WDR31: variants seen among roughly 807,000 people sequenced by gnomAD.
WDR31 encodes the protein WD repeat-containing protein 31.
WDR31 carries 30 observed loss-of-function variants against 47.3 expected under a neutral mutation model. The observed-to-expected ratio is 0.63, with a 90% CI of 0.47 to 0.86. WDR31 has a LOEUF of 0.86. Among genes scored for constraint, WDR31 ranks in the 40% least tolerant of loss-of-function variants. The probability of loss-of-function intolerance (pLI) is 0.00; values close to 1 mark genes in which losing one functional copy is unlikely to be tolerated. For synonymous variants in WDR31, 137 were observed against 159.4 expected, an observed-to-expected ratio of 0.86 and a Z score of 1.06; for missense variants, 406 against 442.9, an observed-to-expected ratio of 0.92 and a Z score of 0.75.
chr9:113,318,291 G>C (rs565634414), intron 10 of WDR31, among the ~76,000 whole-genome samples, 184 bp downstream of exon 10: 7 of 152,360 alleles, frequency 4.6e-5, no homozygotes, highest in Non-Finnish European at 7.3e-5. Flanking sequence ...TCAGGAATGA[G>C]TCTATACAAC....
chr9:113,320,576 A>C (rs1357049744), intron 8 of WDR31, 78 bp from the exon 9 acceptor site: 26 of 1,544,150 alleles, frequency 1.7e-5, no homozygotes, highest in Non-Finnish European at 2.1e-5. Flanking sequence ...CTACCAAAAA[A>C]GTCTTGGCTC....
At chr9:113,327,326 TTCTGCTTATTAA>T (rs1833495050) in intron 5 of WDR31, among the ~76,000 whole-genome samples, 1 of 152,198 alleles carries the variant, frequency 6.6e-6, no homozygotes, top group East Asian at 1.9e-4. Flanking sequence ...TTTGGATCCT[TTCTGCTTATTAA>T]TCTTTTCATC....
rs1022207459 is a variant in WDR31, at chr9:113,316,447, G to A, written c.*302C>T. The A allele has an allele frequency of 2.5e-5, 6 of 243,120 alleles. No individual in the cohort carries two copies. The Admixed American group carries it at 3.1e-4, about 12-fold the overall frequency. 15.1% of individuals were successfully genotyped at this position (243,120 alleles called of 1,614,324 possible). A position where few individuals can be genotyped will look rare whatever the true frequency, so the allele number is the denominator to read the frequency against. On this transcript the variant is annotated 3_prime_UTR_variant, in exon 11 of 11. Transcript: ENST00000374193. ...GAGGCCTGCCACTCTTACATTTACAGGTCATCATTCTGAGCAATACACTTT... is the reference window on the plus strand; with the variant it reads ...GAGGCCTGCCACTCTTACATTTACAAGTCATCATTCTGAGCAATACACTTT...
rs1428972430 is a variant in WDR31 at position 113,316,798 on chromosome 9, CTGAG to C, written c.1051_1054del (p.Leu351GlufsTer43). 8.1e-6 allele frequency: 13 copies of C among 1,614,072 alleles called. No individual in the cohort carries two copies. Among genetic ancestry groups the C allele is most frequent in the Non-Finnish European group, 1.1e-5 (13 of 1,180,056 alleles). On this transcript the variant is annotated frameshift_variant, in exon 11 of 11. Transcript: ENST00000374193. LOFTEE classifies it high-confidence loss of function. ...TTCCAGCCCTTGGCTGTGGTCCATT[CTGAG>C]TAAGTGAATTCCTCTGTTAAAACTT...
chr9:113,321,031 T>C (rs928579217), intron 8 of WDR31, among the ~76,000 whole-genome samples: 1 of 152,210 alleles, frequency 6.6e-6, no homozygotes, highest in Admixed American at 6.5e-5. Context: ...TCTTCTGAGA[T>C]CCAAAGTTTC....
At chr9:113,334,181 T>C (rs1833665698) in intron 2 of WDR31, among the ~76,000 whole-genome samples, 1 of 152,020 alleles carries the variant, frequency 6.6e-6, no homozygotes, top group African/African-American at 2.4e-5. Context: ...TTTTTCTGTG[T>C]TTTTTGTAGA....
chr9:113,319,932 T>C (rs1833288233), intron 9 of WDR31, among the ~76,000 whole-genome samples: 1 of 152,172 alleles, frequency 6.6e-6, no homozygotes, highest in Non-Finnish European at 1.5e-5. Context: ...GAGCCCTAAG[T>C]TGATGAATGT....
chr9:113,316,874 G>A lies in WDR31; in HGVS notation c.979C>T (p.Pro327Ser). ...TCACCAACAGCCAGAGAAGTCAAGG[G>A]TCCTGATCCATCCAGAGACAAGGTG... ...LFTLSLDGSGPLTSLAVGDAI... is the reference protein window; with the variant it reads ...LFTLSLDGSGSLTSLAVGDAI... The change falls in exon 11 of 11, where the codon CCC (proline) becomes TCC (serine). Residue 327 changes from proline to serine, a missense_variant. Physicochemically the swap from Pro to Ser is moderately conservative, Grantham distance 74. Coordinates refer to ENST00000374193, the MANE Select transcript of WDR31 (RefSeq NM_001012361.4). 6.2e-7 allele frequency: 1 copy of A among 1,614,172 alleles called. No individual in the cohort carries two copies. Among genetic ancestry groups the A allele is most frequent in the Non-Finnish European group, 8.5e-7 (1 of 1,180,026 alleles).
At chr9:113,322,274 G>T (rs1310339734) in intron 7 of WDR31, among the ~76,000 whole-genome samples, 1 of 151,948 alleles carries the variant, frequency 6.6e-6, no homozygotes, top group Admixed American at 6.6e-5. Context: ...TAACTTCCTT[G>T]AGATAACATA....
In WDR31 at chr9:113,328,834, C is replaced by T. The variant is rs760091525; in HGVS notation, c.324+47G>A. The T allele has an allele frequency of 1.1e-5, 16 of 1,453,460 alleles. No individual in the cohort carries two copies. The African/African-American group carries it at 2.0e-4, about 18-fold the overall frequency. The allele number at this position is 1,453,460 out of a possible 1,614,324, so 90.0% of individuals were successfully genotyped here. On this transcript the variant is annotated intron_variant, in intron 5 of 10. Coordinates refer to ENST00000374193, the MANE Select transcript of WDR31 (RefSeq NM_001012361.4). ...TTAATATCTAGAACTATTAGCTATC[C>T]TTTATTCAGTTCCAGATTGCCTTCA...
chr9:113,318,536 C>T lies in WDR31; in HGVS notation c.882G>A (p.Met294Ile). ...CVFLPRALAL[M>I]PLIATSSHDC... ...CATGTGATGAGGTAGCAATTAAAGG[C>T]ATCAAGGCCAATGCTCTTGGTAGAA... Residue 294 changes from methionine (M) to isoleucine (I), a missense_variant, in exon 10 of 11, where the codon ATG becomes ATA. Coordinates refer to ENST00000374193, the MANE Select transcript of WDR31 (RefSeq NM_001012361.4). The T allele has an allele frequency of 1.2e-5, 20 of 1,614,228 alleles. No homozygotes were observed. Among genetic ancestry groups the T allele is most frequent in the Non-Finnish European group, 1.7e-5 (20 of 1,180,040 alleles).
intron 1 of WDR31, among the ~76,000 whole-genome samples, chr9:113,338,351 A>G (rs368001270): frequency 1.1e-3 from 173 of 152,368 alleles, no homozygotes; most frequent in African/African-American, 3.9e-3. Flanking sequence ...GCAATTAAAA[A>G]GTCTCAAGAA....
In WDR31 at chr9:113,320,466, T is replaced by C. The variant is rs1564297575; in HGVS notation, c.671A>G (p.His224Arg). Residue 224 changes from histidine (H) to arginine (R), a missense_variant, in exon 9 of 11, where the codon CAT becomes CGT. His to Arg is a conservative substitution (Grantham distance 29). Transcript: ENST00000374193. ...AATGTGCTGCTTTGCAGGAAACATA[T>C]GAGCTACCTGCAGCCCCCGACTGTC... ...LWDSRGLQVA[H>R]MFPAKQHIQT... is the part of the protein sequence containing the mutation. The C allele has an allele frequency of 6.2e-7, 1 of 1,613,926 alleles. No individual in the cohort carries two copies. The highest frequency in any genetic ancestry group is 2.2e-5 in the East Asian group (1 of 44,888).
At chr9:113,334,126 C>T (rs1413258117) in intron 2 of WDR31, among the ~76,000 whole-genome samples, 1 of 152,060 alleles carries the variant, frequency 6.6e-6, no homozygotes, top group African/African-American at 2.4e-5. Context: ...ACTTCAGCCT[C>T]CCAGGGAGCT....
Position 113,333,471 on chromosome 9 carries a change from T to G in WDR31, c.-28-1421A>C, listed in dbSNP as rs543451191. Among the ~76,000 whole-genome samples the G allele has an allele frequency of 7.7e-5, 11 of 142,438 alleles. No homozygotes were observed. In the East Asian group the frequency reaches 2.4e-3, roughly 32 times the overall value. 93.4% of individuals were successfully genotyped at this position (142,438 alleles called of 152,430 possible). On this transcript the variant is annotated intron_variant, in intron 2 of 10. Coordinates refer to ENST00000374193, the MANE Select transcript of WDR31 (RefSeq NM_001012361.4). ...ATCTCGGCTCACTGCAAGCTCCGCC[T>G]CCCAGGTTCACGCCATTCTCCTGCC...
At chr9:113,330,855 CTAACTCTAAAGCCAATATTTT>C (rs1833579940) in intron 4 of WDR31, 108 bp downstream of exon 4, 8 of 1,080,336 alleles carry the variant, frequency 7.4e-6, no homozygotes, top group Non-Finnish European at 1.0e-5. Context: ...TCCAGTCTTT[CTAACTCTAAAGCCAATATTTT>C]TACACTTGTC....
rs918243300 is a variant in WDR31 at position 113,321,527 on chromosome 9, C to T, written c.622G>A (p.Glu208Lys). The change falls in exon 8 of 11, where the codon GAA (glutamate) becomes AAA (lysine). Residue 208 changes from glutamate (E) to lysine (K), a missense_variant. Transcript: ENST00000374193. ...TAAGCCCACCTGAGGGTTTTATCTT[C>T]AGAGGTCTGTAGTATGTATGGTTCT... is the stretch of plus-strand genomic sequence containing the variant. ...PREPYILQTSEDKTLRLWDSR... is the reference protein window; with the variant it reads ...PREPYILQTSKDKTLRLWDSR... 1 of 1,614,048 alleles carries T rather than the reference C, an allele frequency of 6.2e-7. No homozygotes were observed. Among genetic ancestry groups the T allele is most frequent in the Admixed American group, 1.7e-5 (1 of 59,994 alleles).
At chr9:113,337,639 T>C (rs542809664) in intron 1 of WDR31, among the ~76,000 whole-genome samples, 11 of 152,178 alleles carry the variant, frequency 7.2e-5, no homozygotes, top group Non-Finnish European at 1.6e-4. Context: ...CTAAGTTTTG[T>C]ATTTTTAGTA....
intron 2 of WDR31, among the ~76,000 whole-genome samples, chr9:113,334,160 T>C (rs1166770552): frequency 6.6e-6 from 1 of 151,904 alleles, no homozygotes; most frequent in Non-Finnish European, 1.5e-5. Context: ...TGCACCATCA[T>C]GCCCAGCTAA....
Sources: allele counts gnomAD v4.1 joint callset (sites outside exome capture counted in the v4.1 genomes callset), GRCh38; gene constraint gnomAD v4.1.1; transcripts MANE v1.5; gene names NCBI Gene and HGNC (gene_info 2026-07-23, HGNC 2026-07-21).